The following CTXND1 variants were observed in gnomAD, a reference collection of about 807,000 sequenced individuals.
CTXND1 encodes the protein cortexin domain containing 1, also known as cortexin domain-containing 1 protein.
intron 1 of CTXND1, among the ~76,000 whole-genome samples, chr15:80,223,200 C>A (rs72740089): frequency 0.018 from 2,684 of 152,266 alleles, 43 homozygotes; most frequent in South Asian, 0.055. Flanking sequence ...AGATTATAGG[C>A]ATGTGCCACC....
chr15:80,239,388 G>A (rs1391778425), intron 1 of CTXND1, among the ~76,000 whole-genome samples: 1 of 152,240 alleles, frequency 6.6e-6, no homozygotes, highest in Non-Finnish European at 1.5e-5. Flanking sequence ...CTGTAAGGGT[G>A]TTGCCAAAAG....
At chr15:80,208,605 C>T (rs1482299033) in intron 1 of CTXND1, among the ~76,000 whole-genome samples, 5 of 152,152 alleles carry the variant, frequency 3.3e-5, no homozygotes, top group South Asian at 2.1e-4. Flanking sequence ...TAAATCCTTA[C>T]ATTGTAACTC....
intron 1 of CTXND1, among the ~76,000 whole-genome samples, chr15:80,210,795 A>AG (rs1893196061): frequency 6.6e-6 from 1 of 152,172 alleles, no homozygotes; most frequent in Admixed American, 6.5e-5. Flanking sequence ...ACAGATCTGG[A>AG]GGCTGGAATT....
chr15:80,208,721 G>T (rs963465496), intron 1 of CTXND1, among the ~76,000 whole-genome samples: 3 of 152,122 alleles, frequency 2.0e-5, no homozygotes, highest in African/African-American at 7.2e-5. Context: ...GGATTCCTTG[G>T]ACCATGCTTT....
chr15:80,212,926 C>T (rs1282073944), intron 1 of CTXND1, among the ~76,000 whole-genome samples: 1 of 152,314 alleles, frequency 6.6e-6, no homozygotes, highest in African/African-American at 2.4e-5. Context: ...GAGGGCAGAG[C>T]TGTGGGCAGA....
intron 1 of CTXND1, among the ~76,000 whole-genome samples, chr15:80,230,668 C>T (rs1893417671): frequency 6.6e-6 from 1 of 152,056 alleles, no homozygotes; most frequent in Admixed American, 6.6e-5. Context: ...CTAACATATG[C>T]ATTTGGAGCT....
At position 80,201,953 on chromosome 15, in the gene CTXND1, G is replaced by A. The variant is rs544859845; in HGVS notation, c.-4C>T. 6 of 398,898 alleles carry A rather than the reference G, an allele frequency of 1.5e-5. No individual in the cohort carries two copies. The highest frequency in any genetic ancestry group is 6.3e-4 in the Middle Eastern group (1 of 1,590). The allele number at this position is 398,898 out of a possible 1,614,324, so 24.7% of individuals were successfully genotyped here. Reference sequence around the variant, plus strand: ...GCTCGGGCGTGGGCTCCTCCATCTCGCGGCAGCGACTGCGGGCTGCTCCTC... The same window carrying A: ...GCTCGGGCGTGGGCTCCTCCATCTCACGGCAGCGACTGCGGGCTGCTCCTC... On this transcript the variant is annotated 5_prime_UTR_variant, in exon 3 of 3. Coordinates refer to ENST00000560778, the MANE Select transcript of CTXND1 (RefSeq NM_001352888.2).
intron 1 of CTXND1, among the ~76,000 whole-genome samples, chr15:80,219,948 C>A (rs553116293): frequency 6.6e-4 from 100 of 152,296 alleles, no homozygotes; most frequent in African/African-American, 1.8e-3. Flanking sequence ...GCCCCGCAAT[C>A]TGTGGCTTGT....
At chr15:80,204,169 A>AAAATATATAT (rs1555443860) in intron 1 of CTXND1, among the ~76,000 whole-genome samples, 1 of 65,192 alleles carries the variant, frequency 1.5e-5, no homozygotes, top group African/African-American at 7.7e-5. Context: ...AAAAAAAAAA[A>AAAATATATAT]ATATATATAT....
At chr15:80,251,415 C>T (rs2141469020) in intron 1 of CTXND1, among the ~76,000 whole-genome samples, 1 of 152,328 alleles carries the variant, frequency 6.6e-6, no homozygotes, top group East Asian at 1.9e-4. Context: ...GAAAGGCTGC[C>T]ACCAGCAGAA....
At chr15:80,219,234 C>T (rs1468255090) in intron 1 of CTXND1, among the ~76,000 whole-genome samples, 1 of 152,070 alleles carries the variant, frequency 6.6e-6, no homozygotes, top group Non-Finnish European at 1.5e-5. Context: ...GCATAAGCCA[C>T]TGTGCCCAGC....
intron 1 of CTXND1, among the ~76,000 whole-genome samples, chr15:80,226,477 C>T (rs184489589): frequency 2.4e-4 from 36 of 152,326 alleles, no homozygotes; most frequent in Admixed American, 2.2e-3. Context: ...GGCCCTCCTG[C>T]TAGTGTTAGA....
At position 80,200,645 on chromosome 15, in the gene CTXND1, A is replaced by T. The variant is rs940812066; in HGVS notation, c.*1125T>A. On this transcript the variant is annotated 3_prime_UTR_variant, in exon 3 of 3. Coordinates refer to ENST00000560778, the MANE Select transcript of CTXND1 (RefSeq NM_001352888.2). ...AGGTATATGCAAAAAATAAAATTTT[A>T]AAAATGACAAGGCTTTTCCTATCTT... 4.6e-5 allele frequency: 7 copies of T among 152,338 alleles called. No homozygotes were observed. The highest frequency in any genetic ancestry group is 1.7e-4 in the African/African-American group (7 of 41,570). 9.4% of individuals were successfully genotyped at this position (152,338 alleles called of 1,614,324 possible). A position where few individuals can be genotyped will look rare whatever the true frequency, so the allele number is the denominator to read the frequency against.
chr15:80,200,000 A>G lies in CTXND1; in HGVS notation c.*1770T>C, dbSNP rs563935552. On this transcript the variant is annotated 3_prime_UTR_variant, in exon 3 of 3. Coordinates refer to ENST00000560778, the MANE Select transcript of CTXND1 (RefSeq NM_001352888.2). ...CTCTCATTTAACTTCGTACCATGTT[A>G]TGGGAAAACTGATGACAAAGGCAAT... is the stretch of plus-strand genomic sequence containing the variant. The G allele has an allele frequency of 3.3e-5, 5 of 152,350 alleles. No individual in the cohort carries two copies. The highest frequency in any genetic ancestry group is 3.4e-3 in the Middle Eastern group (1 of 294). The allele number at this position is 152,350 out of a possible 1,614,324, so 9.4% of individuals were successfully genotyped here.
At chr15:80,214,075 A>G (rs1595904966) in intron 1 of CTXND1, among the ~76,000 whole-genome samples, 3 of 152,174 alleles carry the variant, frequency 2.0e-5, no homozygotes, top group Non-Finnish European at 4.4e-5. Flanking sequence ...TTTTTGAAAA[A>G]AATTACCTAT....
chr15:80,215,652 A>C (rs902121881), intron 1 of CTXND1, among the ~76,000 whole-genome samples: 1 of 152,134 alleles, frequency 6.6e-6, no homozygotes, highest in African/African-American at 2.4e-5. Flanking sequence ...CATATAGGGC[A>C]CATTCCTGGG....
At position 80,200,103 on chromosome 15, in the gene CTXND1, G is replaced by A. The variant is rs1049495045; in HGVS notation, c.*1667C>T. On this transcript the variant is annotated 3_prime_UTR_variant, in exon 3 of 3. Transcript: ENST00000560778. The stretch of plus-strand genomic sequence containing the variant: ...GCTGTGAGTGTTCCTCTGACCAAGT[G>A]GTTCCGGCTGGGAGATTTGGCCTGT... The A allele has an allele frequency of 6.6e-6, 1 of 152,264 alleles. No individual in the cohort carries two copies. Among genetic ancestry groups the A allele is most frequent in the Admixed American group, 6.5e-5 (1 of 15,276 alleles). The allele number at this position is 152,264 out of a possible 1,614,324, so 9.4% of individuals were successfully genotyped here.
At chr15:80,209,713 C>T (rs1411880081) in intron 1 of CTXND1, among the ~76,000 whole-genome samples, 3 of 152,162 alleles carry the variant, frequency 2.0e-5, no homozygotes, top group African/African-American at 7.2e-5. Context: ...TAGGAAAAAA[C>T]TAGCAGCAAG....
intron 1 of CTXND1, among the ~76,000 whole-genome samples, chr15:80,241,882 A>T (rs532266763): frequency 2.0e-5 from 3 of 152,326 alleles, no homozygotes; most frequent in African/African-American, 7.2e-5. Context: ...ACCCATAGAA[A>T]AACCCACATA....
Sources: allele counts gnomAD v4.1 joint callset (sites outside exome capture counted in the v4.1 genomes callset), GRCh38; gene constraint gnomAD v4.1.1; transcripts MANE v1.5; gene names NCBI Gene and HGNC (gene_info 2026-07-23, HGNC 2026-07-21).